Variants in ADAM12 observed in about 807,000 individuals in gnomAD.
ADAM12 encodes ADAM metallopeptidase domain 12, also known as disintegrin and metalloproteinase domain-containing protein 12.
A neutral mutation model predicts 106.4 loss-of-function variants in ADAM12; 70 were observed. The observed-to-expected ratio is 0.66, with a 90% CI of 0.54 to 0.80. ADAM12 has a LOEUF of 0.80. Ranked by LOEUF, ADAM12 falls within the 30% of genes least tolerant of loss-of-function variation. The probability of loss-of-function intolerance (pLI) is 0.00; values close to 1 mark genes in which losing one functional copy is unlikely to be tolerated. For synonymous variants in ADAM12, 420 were observed against 433.5 expected, an observed-to-expected ratio of 0.97 and a Z score of 0.39; for missense variants, 1,010 against 1,171.9, an observed-to-expected ratio of 0.86 and a Z score of 2.02.
At chr10:126,216,653 C>T (rs570566375) in intron 3 of ADAM12, among the ~76,000 whole-genome samples, 15 of 152,208 alleles carry the variant, frequency 9.9e-5, no homozygotes, top group Non-Finnish European at 2.1e-4. Flanking sequence ...TTCCTTCCGA[C>T]GCATCCTTTA....
At chr10:126,331,372 C>T (rs2133852621) in intron 1 of ADAM12, among the ~76,000 whole-genome samples, 2 of 152,308 alleles carry the variant, frequency 1.3e-5, no homozygotes, top group Middle Eastern at 3.4e-3. Flanking sequence ...TCATAATTTT[C>T]AGACCTGAGT....
chr10:126,387,875 A>G (rs1008230145), intron 1 of ADAM12, among the ~76,000 whole-genome samples, 183 bp downstream of exon 1: 2 of 131,554 alleles, frequency 1.5e-5, no homozygotes. Context: ...GCCCTTCCCC[A>G]AGGAATTGGC....
intron 3 of ADAM12, among the ~76,000 whole-genome samples, chr10:126,271,557 G>A (rs1959176105): frequency 6.6e-6 from 1 of 152,196 alleles, no homozygotes; most frequent in South Asian, 2.1e-4. Flanking sequence ...TTGAGGCCAG[G>A]AGCTCAAGAC....
At chr10:126,240,787 C>T (rs142114135) in intron 3 of ADAM12, among the ~76,000 whole-genome samples, 15 of 152,322 alleles carry the variant, frequency 9.8e-5, no homozygotes, top group African/African-American at 3.4e-4. Flanking sequence ...TAGCAGGGCA[C>T]GCCGGCCTGG....
intron 2 of ADAM12, among the ~76,000 whole-genome samples, chr10:126,280,044 C>T (rs750178977): frequency 5.9e-5 from 9 of 152,110 alleles, no homozygotes; most frequent in Non-Finnish European, 1.2e-4. Context: ...CTCCAGAGCT[C>T]GAAAGATCTT....
chr10:126,143,885 C>A (rs1956575480), intron 4 of ADAM12, among the ~76,000 whole-genome samples: 1 of 152,122 alleles, frequency 6.6e-6, no homozygotes, highest in Non-Finnish European at 1.5e-5. Context: ...TTGCTTGAGA[C>A]TAAAACAAGG....
intron 3 of ADAM12, among the ~76,000 whole-genome samples, chr10:126,200,229 G>A (rs1353127560): frequency 6.6e-6 from 1 of 152,116 alleles, no homozygotes; most frequent in Non-Finnish European, 1.5e-5. Context: ...GCACTAGGAG[G>A]GAGCAGGAAG....
chr10:126,298,076 TCA>T (rs1230084200), intron 2 of ADAM12, among the ~76,000 whole-genome samples: 1 of 152,004 alleles, frequency 6.6e-6, no homozygotes, highest in African/African-American at 2.4e-5. Flanking sequence ...CAGTCACTGA[TCA>T]CAAGTGCCCC....
intron 1 of ADAM12, among the ~76,000 whole-genome samples, chr10:126,362,447 G>A (rs539774320): frequency 3.3e-5 from 5 of 151,942 alleles, no homozygotes; most frequent in Admixed American, 6.6e-5. Context: ...CCCACTTCTC[G>A]GTATTTACCC....
At chr10:126,357,709 C>T (rs1855590149) in intron 1 of ADAM12, among the ~76,000 whole-genome samples, 1 of 152,060 alleles carries the variant, frequency 6.6e-6, no homozygotes, top group Non-Finnish European at 1.5e-5. Context: ...GGGGAAAAGA[C>T]CCTTATAAAA....
In ADAM12 at chr10:126,071,628, C is replaced by A; in HGVS notation, c.1172G>T (p.Ser391Ile). The A allele has an allele frequency of 6.2e-7, 1 of 1,614,144 alleles. No homozygotes were observed. The highest frequency in any genetic ancestry group is 8.5e-7 in the Non-Finnish European group (1 of 1,180,008). Residue 391 changes from serine to isoleucine, a missense_variant, in exon 12 of 23, where the codon AGT becomes ATT. Transcript: ENST00000448723. ...TGYPFPMVFS[S>I]CSRKDLETSL... Reference sequence around the variant, plus strand: ...GGTCTCCAAGTCCTTCCTGCTGCAACTGCTGAACACCATGGGAAATGGGTA... The same window carrying A: ...GGTCTCCAAGTCCTTCCTGCTGCAAATGCTGAACACCATGGGAAATGGGTA...
intron 3 of ADAM12, among the ~76,000 whole-genome samples, chr10:126,164,207 T>C (rs1027414703): frequency 2.6e-5 from 4 of 152,234 alleles, no homozygotes; most frequent in Non-Finnish European, 4.4e-5. Flanking sequence ...TTGAAGACCA[T>C]ACGTATTGTT....
chr10:126,147,353 C>A (rs908015817), intron 4 of ADAM12, among the ~76,000 whole-genome samples: 1 of 152,070 alleles, frequency 6.6e-6, no homozygotes, highest in African/African-American at 2.4e-5. Context: ...AGCAGGGGAC[C>A]CTCCCTCTCC....
chr10:126,348,515 G>T (rs1334498613), intron 1 of ADAM12, among the ~76,000 whole-genome samples: 4 of 152,178 alleles, frequency 2.6e-5, no homozygotes, highest in Admixed American at 6.5e-5. Context: ...AATGCAAGAG[G>T]GGGAGATGAG....
intron 2 of ADAM12, among the ~76,000 whole-genome samples, chr10:126,324,835 C>T (rs145971908): frequency 1.3e-5 from 2 of 152,040 alleles, no homozygotes; most frequent in African/African-American, 4.8e-5. Flanking sequence ...GATCAAATCT[C>T]AGGGGTCAAA....
chr10:126,377,264 T>C (rs1856326693), intron 1 of ADAM12, among the ~76,000 whole-genome samples: 1 of 152,022 alleles, frequency 6.6e-6, no homozygotes, highest in African/African-American at 2.4e-5. Context: ...AATAGAGAGG[T>C]ATATAAAGGG....
rs56651369 is a variant in ADAM12, at chr10:126,039,344, G to A, written c.2190C>T (p.Thr730=). 3.5e-3 allele frequency: 5,588 copies of A among 1,614,092 alleles called. 205 individuals carry two copies. The East Asian group carries it at 0.092, about 27-fold the overall frequency. Residue 730 remains threonine, a synonymous_variant, in exon 19 of 23, where the codon ACC becomes ACT. Coordinates refer to ENST00000448723, the MANE Select transcript of ADAM12 (RefSeq NM_001288973.2). The stretch of plus-strand genomic sequence containing the variant: ...TATTTGTAAACAGCAGTCGTATCAA[G>A]GTCTTCCTTTTGAGATAAACCACAA... ...AGFVVYLKRK[T]LIRLLFTNKK...
intron 4 of ADAM12, among the ~76,000 whole-genome samples, chr10:126,142,856 GGTGTGTATGT>G (rs1231051184): frequency 1.3e-5 from 2 of 152,078 alleles, no homozygotes; most frequent in African/African-American, 4.8e-5. Flanking sequence ...TGTGTCTATA[GGTGTGTATGT>G]GTGTGTATGT....
intron 3 of ADAM12, among the ~76,000 whole-genome samples, chr10:126,191,703 T>A (rs1957504660): frequency 6.6e-6 from 1 of 152,198 alleles, no homozygotes; most frequent in South Asian, 2.1e-4. Context: ...GACAATAGCT[T>A]AACATAGGGT....
Sources: gnomAD v4.1 joint callset for allele counts (sites outside exome capture counted in the v4.1 genomes callset) on GRCh38, gnomAD v4.1.1 for gene constraint, MANE v1.5 for transcripts, NCBI Gene and HGNC (gene_info 2026-07-23, HGNC 2026-07-21) for gene names.